The following ZMAT5 variants were observed in gnomAD, a reference collection of about 807,000 sequenced individuals.
The protein encoded by ZMAT5 is zinc finger matrin-type protein 5.
A neutral mutation model predicts 28.0 loss-of-function variants in ZMAT5; 23 were observed. The ratio of observed to expected loss-of-function variants is 0.82; its 90% confidence interval spans 0.59 to 1.16. The LOEUF (loss-of-function observed/expected upper bound fraction) is 1.16. ZMAT5 is among the 50% of genes most tolerant of loss of function. ZMAT5 has a pLI of 0.00. For missense variants in ZMAT5, 173 were observed against 212.7 expected (o/e 0.81, Z 1.16); for synonymous variants, 76 against 84.1 (o/e 0.90, Z 0.52).
intron 5 of ZMAT5, among the ~76,000 whole-genome samples, chr22:29,733,212 C>A (rs150211603): frequency 6.6e-6 from 1 of 152,228 alleles, no homozygotes; most frequent in Non-Finnish European, 1.5e-5. Flanking sequence ...CACACCCCAA[C>A]ATCCAGCCTT....
At chr22:29,735,833 C>T (rs2067898926) in intron 5 of ZMAT5, among the ~76,000 whole-genome samples, 1 of 152,184 alleles carries the variant, frequency 6.6e-6, no homozygotes, top group Non-Finnish European at 1.5e-5. Flanking sequence ...TACCCTAGTC[C>T]CCCAAGTCTC....
At chr22:29,762,703 T>C (rs1414091177) in intron 1 of ZMAT5, among the ~76,000 whole-genome samples, 1 of 152,216 alleles carries the variant, frequency 6.6e-6, no homozygotes, top group East Asian at 1.9e-4. Flanking sequence ...TGTATAATTA[T>C]TTCATTATAT....
chr22:29,760,732 C>T (rs1369081624), intron 1 of ZMAT5, among the ~76,000 whole-genome samples: 1 of 152,140 alleles, frequency 6.6e-6, no homozygotes, highest in Non-Finnish European at 1.5e-5. Context: ...GTAGACACAG[C>T]CCCCTGGACT....
chr22:29,763,856 G>A (rs1375644431), intron 1 of ZMAT5, among the ~76,000 whole-genome samples: 1 of 152,004 alleles, frequency 6.6e-6, no homozygotes, highest in Admixed American at 6.6e-5. Flanking sequence ...GAAGGCTGAG[G>A]TGGGAGTACC....
intron 5 of ZMAT5, among the ~76,000 whole-genome samples, chr22:29,733,721 C>T (rs897513626): frequency 6.6e-6 from 1 of 152,132 alleles, no homozygotes; most frequent in Non-Finnish European, 1.5e-5. Flanking sequence ...TCCTGGGGAG[C>T]CCCTTCCCCT....
At chr22:29,737,096 G>A (rs1601716116) in intron 5 of ZMAT5, among the ~76,000 whole-genome samples, 1 of 150,814 alleles carries the variant, frequency 6.6e-6, no homozygotes, top group Non-Finnish European at 1.5e-5. Context: ...TTGGGAGGCC[G>A]AGGCAGGCGG....
chr22:29,732,735 T>C (rs1282995247), intron 5 of ZMAT5, among the ~76,000 whole-genome samples: 8 of 94,440 alleles, frequency 8.5e-5, no homozygotes, highest in African/African-American at 3.0e-4. Context: ...GCGAGACTCC[T>C]TCTCAAAAAA....
intron 3 of ZMAT5, among the ~76,000 whole-genome samples, chr22:29,741,621 C>T (rs1350295412): frequency 6.6e-6 from 1 of 152,118 alleles, no homozygotes; most frequent in Non-Finnish European, 1.5e-5. Flanking sequence ...GTCTTTGGTT[C>T]CTTCACTTAC....
intron 1 of ZMAT5, among the ~76,000 whole-genome samples, chr22:29,757,306 G>C (rs2068112125): frequency 6.6e-6 from 1 of 151,248 alleles, no homozygotes; most frequent in Admixed American, 6.6e-5. Flanking sequence ...AGAACAGAGA[G>C]GGTGAGAGCA....
chr22:29,744,017 A>G lies in ZMAT5; in HGVS notation c.128-1537T>C, dbSNP rs569337411. Among the ~76,000 whole-genome samples, 13 of 152,304 alleles carry G rather than the reference A, an allele frequency of 8.5e-5. No individual in the cohort carries two copies. In the South Asian group the frequency reaches 2.7e-3, roughly 32 times the overall value. ...GCAAGCTGCATAAACTCCAAGTCTCAGTTTCCCCATATGTCAAATGGGAGG... is the reference window on the plus strand; with the variant it reads ...GCAAGCTGCATAAACTCCAAGTCTCGGTTTCCCCATATGTCAAATGGGAGG... On this transcript the variant is annotated intron_variant, in intron 2 of 5. Coordinates refer to ENST00000344318, the MANE Select transcript of ZMAT5 (RefSeq NM_001003692.2).
At chr22:29,750,346 A>G (rs1294142253) in intron 1 of ZMAT5, among the ~76,000 whole-genome samples, 1 of 152,242 alleles carries the variant, frequency 6.6e-6, no homozygotes, top group Non-Finnish European at 1.5e-5. Flanking sequence ...GGGCGCAGGC[A>G]GTGAATGCTG....
chr22:29,764,586 C>T (rs183234087), intron 1 of ZMAT5, among the ~76,000 whole-genome samples: 19 of 152,214 alleles, frequency 1.2e-4, no homozygotes, highest in Admixed American at 5.9e-4. Context: ...TGGCAGCCTC[C>T]GCCTCCCAGG....
Position 29,750,258 on chromosome 22 carries a change from A to C in ZMAT5, c.-27-1687T>G, listed in dbSNP as rs533184333. ...CAAGGTCACACAGCTGATAAGCAGA[A>C]GGCAAACCCAGTCCCCTAACGTTAC... is the stretch of plus-strand genomic sequence containing the variant. On this transcript the variant is annotated intron_variant, in intron 1 of 5. Coordinates refer to ENST00000344318, the MANE Select transcript of ZMAT5 (RefSeq NM_001003692.2). 1.3e-3 allele frequency among the ~76,000 whole-genome samples: 191 copies of C among 152,304 alleles called. 1 individual carries two copies. The highest frequency in any genetic ancestry group is 4.5e-3 in the African/African-American group (187 of 41,548).
chr22:29,743,010 T>C (rs939344878), intron 2 of ZMAT5, among the ~76,000 whole-genome samples: 3 of 151,864 alleles, frequency 2.0e-5, no homozygotes, highest in African/African-American at 7.3e-5. Flanking sequence ...CCCAGGCTGG[T>C]CTTGAACTCC....
At chr22:29,761,704 A>G (rs1335070996) in intron 1 of ZMAT5, among the ~76,000 whole-genome samples, 2 of 152,182 alleles carry the variant, frequency 1.3e-5, no homozygotes, top group African/African-American at 2.4e-5. Context: ...AAAAAATGTG[A>G]TATGTTGAGT....
intron 1 of ZMAT5, among the ~76,000 whole-genome samples, chr22:29,766,467 T>C (rs1336919290): frequency 2.0e-5 from 3 of 152,204 alleles, no homozygotes; most frequent in Admixed American, 2.0e-4. Flanking sequence ...GAGCGCTCTG[T>C]GAGAGCAAGG....
chr22:29,758,125 G>A (rs1463209264), intron 1 of ZMAT5, among the ~76,000 whole-genome samples: 5 of 152,080 alleles, frequency 3.3e-5, no homozygotes, highest in African/African-American at 9.7e-5. Flanking sequence ...GGTGGCCCAC[G>A]TGGCAAGGAA....
At chr22:29,756,690 C>T (rs912446509) in intron 1 of ZMAT5, among the ~76,000 whole-genome samples, 3 of 152,194 alleles carry the variant, frequency 2.0e-5, no homozygotes, top group African/African-American at 7.2e-5. Context: ...AGGAGGATCA[C>T]TTGAGCCCAG....
At chr22:29,760,304 C>T (rs1458187712) in intron 1 of ZMAT5, among the ~76,000 whole-genome samples, 2 of 149,332 alleles carry the variant, frequency 1.3e-5, no homozygotes, top group African/African-American at 2.5e-5. Flanking sequence ...ACCTGAGAGG[C>T]GGAGCTTGCA....
Sources: gnomAD v4.1 joint callset for allele counts (sites outside exome capture counted in the v4.1 genomes callset) on GRCh38, gnomAD v4.1.1 for gene constraint, MANE v1.5 for transcripts, NCBI Gene and HGNC (gene_info 2026-07-23, HGNC 2026-07-21) for gene names.